Variants in KLHL3 observed in about 807,000 individuals in gnomAD.
KLHL3 encodes kelch like family member 3.
In KLHL3, 19 loss-of-function variants were observed where a neutral mutation model predicts 70.5. The observed-to-expected ratio is 0.27, with a 90% confidence interval of 0.19 to 0.40. KLHL3 has a LOEUF of 0.40. Ranked by LOEUF, KLHL3 falls within the 10% of genes least tolerant of loss-of-function variation. The pLI, the probability that KLHL3 is intolerant of heterozygous loss-of-function variation, is 1.00. For synonymous variants in KLHL3, 258 were observed against 290.3 expected, an observed-to-expected ratio of 0.89 and a Z score of 1.13; for missense variants, 512 against 771.1, an observed-to-expected ratio of 0.66 and a Z score of 3.98.
chr5:137,691,421 T>C (rs1481509618), intron 5 of KLHL3, among the ~76,000 whole-genome samples: 2 of 152,148 alleles, frequency 1.3e-5, no homozygotes, highest in Non-Finnish European at 2.9e-5. Flanking sequence ...CTAAAACTAA[T>C]CAAAAAATAG....
intron 6 of KLHL3, among the ~76,000 whole-genome samples, chr5:137,662,939 C>T (rs1302536803): frequency 6.6e-6 from 1 of 151,260 alleles, no homozygotes; most frequent in Non-Finnish European, 1.5e-5. Flanking sequence ...TTTGCTGCAG[C>T]ATGGTTGTAA....
intron 13 of KLHL3, 120 bp downstream of exon 13, chr5:137,628,177 C>T (rs1407534614): frequency 2.1e-5 from 26 of 1,266,276 alleles, no homozygotes; most frequent in Middle Eastern, 2.2e-4. Context: ...TGCACACTCC[C>T]TGTTCAGGAT....
At chr5:137,633,391 T>C (rs1750690409) in intron 12 of KLHL3, among the ~76,000 whole-genome samples, 1 of 151,400 alleles carries the variant, frequency 6.6e-6, no homozygotes, top group South Asian at 2.1e-4. Context: ...ACAACCTCTA[T>C]GGAAAAACAG....
chr5:137,727,322 AC>A (rs1753100155), intron 1 of KLHL3, among the ~76,000 whole-genome samples: 1 of 151,978 alleles, frequency 6.6e-6, no homozygotes, highest in Non-Finnish European at 1.5e-5. Context: ...CACTTTCGCT[AC>A]CATTACAACC....
chr5:137,694,920 G>A (rs913829770), intron 4 of KLHL3, among the ~76,000 whole-genome samples: 2 of 152,094 alleles, frequency 1.3e-5, no homozygotes, highest in Non-Finnish European at 2.9e-5. Context: ...CCAGATGTGA[G>A]AAGAGGCAGG....
intron 8 of KLHL3, among the ~76,000 whole-genome samples, chr5:137,644,057 G>C (rs1283326318): frequency 6.6e-6 from 1 of 152,070 alleles, no homozygotes; most frequent in Non-Finnish European, 1.5e-5. Context: ...ACAAATGACA[G>C]GATTTCACCT....
At chr5:137,706,337 C>T (rs190665100) in intron 3 of KLHL3, 32 of 985,184 alleles carry the variant, frequency 3.2e-5, no homozygotes, top group Admixed American at 6.1e-5. Context: ...GAAGCTGAAC[C>T]TGATAATTAG....
chr5:137,619,714 G>A lies in KLHL3; in HGVS notation c.*2384C>T, dbSNP rs1284112067. The A allele has an allele frequency of 1.3e-5, 2 of 152,720 alleles. No homozygotes were observed. Among genetic ancestry groups the A allele is most frequent in the Non-Finnish European group, 2.9e-5 (2 of 68,088 alleles). 9.5% of individuals were successfully genotyped at this position (152,720 alleles called of 1,614,324 possible). A position where few individuals can be genotyped will look rare whatever the true frequency, so the allele number is the denominator to read the frequency against. ...CCCGTGAAAAAGGATACATGAGGAT[G>A]GAGTGCACATGGCCTTGGCAGCACG... On this transcript the variant is annotated 3_prime_UTR_variant, in exon 15 of 15. Coordinates refer to ENST00000309755, the MANE Select transcript of KLHL3 (RefSeq NM_017415.3).
intron 5 of KLHL3, among the ~76,000 whole-genome samples, chr5:137,677,872 G>C (rs1751924547): frequency 6.6e-6 from 1 of 152,132 alleles, no homozygotes; most frequent in Admixed American, 6.6e-5. Flanking sequence ...CCTCTGTCCT[G>C]AACATCAACA....
At position 137,627,487 on chromosome 5, in the gene KLHL3, C is replaced by T. The variant is rs1027318095; in HGVS notation, c.1591+810G>A. Among the ~76,000 whole-genome samples, 3 of 129,892 alleles carry T rather than the reference C, an allele frequency of 2.3e-5. 1 individual carries two copies. Among genetic ancestry groups the T allele is most frequent in the African/African-American group, 8.1e-5 (3 of 37,100 alleles). 85.2% of individuals were successfully genotyped at this position (129,892 alleles called of 152,430 possible). A position where few individuals can be genotyped will look rare whatever the true frequency, so the allele number is the denominator to read the frequency against. On this transcript the variant is annotated intron_variant, in intron 13 of 14. Coordinates refer to ENST00000309755, the MANE Select transcript of KLHL3 (RefSeq NM_017415.3). ...TTAGTAAATATCACCACCCCCCCCC[C>T]CGGTTTACACTTCCAAGTCAGCCAC...
At chr5:137,630,809 G>A (rs1750616519) in intron 12 of KLHL3, among the ~76,000 whole-genome samples, 1 of 152,032 alleles carries the variant, frequency 6.6e-6, no homozygotes, top group South Asian at 2.1e-4. Context: ...CCAAGTCCCG[G>A]GCCTCCTGAC....
At chr5:137,691,365 T>C (rs1375101850) in intron 5 of KLHL3, among the ~76,000 whole-genome samples, 2 of 152,242 alleles carry the variant, frequency 1.3e-5, no homozygotes, top group Non-Finnish European at 2.9e-5. Flanking sequence ...AGGGAAAGTC[T>C]GCAAAAGCTC....
chr5:137,664,047 T>A (rs1011895957), intron 6 of KLHL3, among the ~76,000 whole-genome samples: 5 of 151,684 alleles, frequency 3.3e-5, no homozygotes, highest in African/African-American at 7.3e-5. Flanking sequence ...ATATTCTTAA[T>A]TTTTTTTTAA....
chr5:137,735,241 CA>C (rs1753242119), intron 1 of KLHL3, among the ~76,000 whole-genome samples: 1 of 152,158 alleles, frequency 6.6e-6, no homozygotes. Flanking sequence ...ACTATGACAT[CA>C]AAAACCCCCC....
chr5:137,631,089 A>AAAAAAAAAAG (rs1554090059), intron 12 of KLHL3, among the ~76,000 whole-genome samples: 1 of 141,906 alleles, frequency 7.0e-6, no homozygotes, highest in African/African-American at 2.9e-5. Context: ...AAAAAAAAAA[A>AAAAAAAAAAG]AGAGAGAGAG....
At position 137,639,821 on chromosome 5, in the gene KLHL3, C is replaced by T; in HGVS notation, c.1021+39G>A. On this transcript the variant is annotated intron_variant, in intron 9 of 14. Coordinates refer to ENST00000309755, the MANE Select transcript of KLHL3 (RefSeq NM_017415.3). This position sits in a 1 kb window ranked among gnomAD's most constrained non-coding sequence, Gnocchi z 5.0. ...ACTTCTGGCACGGAGTGGGGACCAG[C>T]AGGGGAAAAACAGCTTGCAGAACTG... 1 of 1,497,970 alleles carries T rather than the reference C, an allele frequency of 6.7e-7. No individual in the cohort carries two copies. The highest frequency in any genetic ancestry group is 9.3e-7 in the Non-Finnish European group (1 of 1,074,530). 92.8% of individuals were successfully genotyped at this position (1,497,970 alleles called of 1,614,324 possible).
intron 8 of KLHL3, 50 bp downstream of exon 8, chr5:137,658,081 T>A (rs1458725287): frequency 1.3e-6 from 2 of 1,554,136 alleles, no homozygotes; most frequent in Non-Finnish European, 1.7e-6. Flanking sequence ...GGAAGGCCAC[T>A]TTCCCAGGGC....
intron 8 of KLHL3, among the ~76,000 whole-genome samples, chr5:137,640,550 G>A (rs1350251479): frequency 6.6e-6 from 1 of 152,178 alleles, no homozygotes; most frequent in Non-Finnish European, 1.5e-5. Context: ...ACCACTGCTA[G>A]GTACCATGTG....
intron 6 of KLHL3, among the ~76,000 whole-genome samples, chr5:137,663,447 C>T (rs1330782753): frequency 1.3e-5 from 2 of 151,862 alleles, no homozygotes; most frequent in Non-Finnish European, 2.9e-5. Flanking sequence ...TTGCACATAA[C>T]CTCCGCACAT....
Sources: gnomAD v4.1 joint callset for allele counts (sites outside exome capture counted in the v4.1 genomes callset) on GRCh38, gnomAD v4.1.1 for gene constraint, Gnocchi (gnomAD v3.1) non-coding constraint, MANE v1.5 for transcripts, NCBI Gene and HGNC (gene_info 2026-07-23, HGNC 2026-07-21) for gene names.